FHIT: variants seen among roughly 807,000 people sequenced by gnomAD.
The protein encoded by FHIT is fragile histidine triad diadenosine triphosphatase, also known as bis(5'-adenosyl)-triphosphatase.
A neutral mutation model predicts 17.9 loss-of-function variants in FHIT; 19 were observed. That is an observed-to-expected ratio of 1.06 (90% confidence interval 0.74 to 1.56). The LOEUF (loss-of-function observed/expected upper bound fraction) is 1.56, where lower values mean the gene tolerates loss of function less well. FHIT is among the 40% of genes most tolerant of loss of function. The probability of loss-of-function intolerance (pLI) is 0.00; values close to 1 mark genes in which losing one functional copy is unlikely to be tolerated. For synonymous variants in FHIT, 81 were observed against 69.7 expected (o/e 1.16, Z -0.81); for missense variants, 248 against 189.2 (o/e 1.31, Z -1.82).
chr3:60,016,332 T>C (rs1700344135), intron 5 of FHIT, among the ~76,000 whole-genome samples: 1 of 152,226 alleles, frequency 6.6e-6, no homozygotes, highest in Admixed American at 6.5e-5. Flanking sequence ...TCAATAGTTA[T>C]AATTTAGGTT....
intron 5 of FHIT, among the ~76,000 whole-genome samples, chr3:60,376,021 G>A (rs1229161517): frequency 6.6e-6 from 1 of 152,084 alleles, no homozygotes; most frequent in East Asian, 1.9e-4. Flanking sequence ...CGTGGTTAGT[G>A]GTTTCCATGC....
chr3:60,709,829 G>C (rs903082102), intron 4 of FHIT, among the ~76,000 whole-genome samples: 1 of 151,974 alleles, frequency 6.6e-6, no homozygotes, highest in Non-Finnish European at 1.5e-5. Context: ...ACTGGCCAAC[G>C]GTTTACTTAA....
At chr3:61,033,676 G>T (rs2107672656) in intron 3 of FHIT, among the ~76,000 whole-genome samples, 1 of 152,240 alleles carries the variant, frequency 6.6e-6, no homozygotes, top group South Asian at 2.1e-4. Flanking sequence ...GAGACAAGTT[G>T]AATAGAAAAA....
At chr3:61,157,396 A>C (rs1380575456) in intron 2 of FHIT, among the ~76,000 whole-genome samples, 2 of 152,140 alleles carry the variant, frequency 1.3e-5, no homozygotes, top group Non-Finnish European at 2.9e-5. Flanking sequence ...TACCCAAGAG[A>C]AACTTGAGCA....
At chr3:59,871,040 T>C (rs57341675) in intron 8 of FHIT, among the ~76,000 whole-genome samples, 17,308 of 152,186 alleles carry the variant, frequency 0.11, 1,773 homozygotes, top group East Asian at 0.59. Flanking sequence ...ACCAATTATA[T>C]ACTTGGATGT....
intron 1 of FHIT, among the ~76,000 whole-genome samples, chr3:61,207,929 C>A (rs920819017): frequency 1.3e-5 from 2 of 152,042 alleles, no homozygotes; most frequent in Non-Finnish European, 2.9e-5. Context: ...TTAGATCTTT[C>A]CTGCTTTCTT....
chr3:59,750,920 TTTTGTTTTTTA>T, intron 9 of FHIT: 1 of 193,386 alleles, frequency 5.2e-6, no homozygotes, highest in Non-Finnish European at 1.1e-5. Context: ...TATTCACTAA[TTTTGTTTTTTA>T]TTTGTGTCTG....
intron 2 of FHIT, among the ~76,000 whole-genome samples, chr3:61,055,582 C>T (rs1305817397): frequency 6.6e-6 from 1 of 152,210 alleles, no homozygotes; most frequent in Non-Finnish European, 1.5e-5. Context: ...GAACCAAGTA[C>T]TCTACAGTTT....
chr3:61,117,583 A>G (rs2036335766), intron 2 of FHIT, among the ~76,000 whole-genome samples: 1 of 152,210 alleles, frequency 6.6e-6, no homozygotes, highest in Non-Finnish European at 1.5e-5. Context: ...GATTAAATGC[A>G]TCACCACTAA....
At chr3:60,171,009 A>T (rs1477062583) in intron 5 of FHIT, among the ~76,000 whole-genome samples, 1 of 152,206 alleles carries the variant, frequency 6.6e-6, no homozygotes, top group Non-Finnish European at 1.5e-5. Context: ...AGGAAAAAGA[A>T]AAGGCCCAAC....
chr3:60,537,034 A>G (rs1490944843), intron 4 of FHIT, 55 bp from the exon 5 acceptor site: 3 of 1,486,308 alleles, frequency 2.0e-6, no homozygotes, highest in Non-Finnish European at 2.7e-6. Flanking sequence ...CTCAGTTCAT[A>G]TACCACCTTA....
chr3:60,525,569 C>A (rs1199176546), intron 5 of FHIT, among the ~76,000 whole-genome samples: 2 of 152,116 alleles, frequency 1.3e-5, no homozygotes, highest in Non-Finnish European at 2.9e-5. Flanking sequence ...ATGTTGAATC[C>A]CTTTCTGGCT....
Position 60,353,250 on chromosome 3 carries a change from G to A in FHIT, c.103+183610C>T, listed in dbSNP as rs112252883. On this transcript the variant is annotated intron_variant, in intron 5 of 9. Coordinates refer to ENST00000492590, the MANE Select transcript of FHIT (RefSeq NM_002012.4). ...TGCTTCTCTAACTACCTCTTCCATC[G>A]GCCCTAAAACATTAAAAAAAGTGGG... 3.1e-3 allele frequency among the ~76,000 whole-genome samples: 474 copies of A among 151,900 alleles called. 1 individual carries two copies. The highest frequency in any genetic ancestry group is 0.011 in the African/African-American group (448 of 41,430).
chr3:59,964,745 T>C (rs1317645660), intron 7 of FHIT, among the ~76,000 whole-genome samples: 2 of 152,144 alleles, frequency 1.3e-5, no homozygotes, highest in African/African-American at 4.8e-5. Flanking sequence ...ATGCTGCACA[T>C]AAATCTTAAT....
chr3:59,916,768 G>C (rs1320201160), intron 8 of FHIT, among the ~76,000 whole-genome samples: 1 of 152,148 alleles, frequency 6.6e-6, no homozygotes, highest in African/African-American at 2.4e-5. Flanking sequence ...CATTAAATTA[G>C]CATTACTATA....
rs72884615 is a variant in FHIT at position 60,133,685 on chromosome 3, C to A, written c.104-119533G>T. 4.9e-3 allele frequency among the ~76,000 whole-genome samples: 743 copies of A among 151,784 alleles called. 6 individuals carry two copies. The highest frequency in any genetic ancestry group is 0.017 in the African/African-American group (708 of 41,398). ...CTCTGGCAGCTTAGCACAACCCATT[C>A]ACATACTGGGCAGAGCCCTTCCAAT... On this transcript the variant is annotated intron_variant, in intron 5 of 9. Coordinates refer to ENST00000492590, the MANE Select transcript of FHIT (RefSeq NM_002012.4).
At chr3:60,520,918 G>C (rs1243612958) in intron 5 of FHIT, among the ~76,000 whole-genome samples, 2 of 151,934 alleles carry the variant, frequency 1.3e-5, no homozygotes, top group African/African-American at 4.8e-5. Flanking sequence ...ATAAAGGTGA[G>C]TTTGTTTGGT....
At chr3:60,435,837 G>A (rs188856696) in intron 5 of FHIT, among the ~76,000 whole-genome samples, 8 of 152,098 alleles carry the variant, frequency 5.3e-5, no homozygotes, top group African/African-American at 1.9e-4. Context: ...AGGCCCCAGT[G>A]TGTGTTGTTC....
intron 4 of FHIT, among the ~76,000 whole-genome samples, chr3:60,786,221 T>C (rs1700569987): frequency 1.3e-5 from 2 of 152,152 alleles, no homozygotes; most frequent in South Asian, 4.1e-4. Flanking sequence ...GGTGCCTAAA[T>C]GTTCTCATTT....
Sources: gnomAD v4.1 joint callset for allele counts (sites outside exome capture counted in the v4.1 genomes callset) on GRCh38, gnomAD v4.1.1 for gene constraint, MANE v1.5 for transcripts, NCBI Gene and HGNC (gene_info 2026-07-23, HGNC 2026-07-21) for gene names.